The following NFKB1 variants were observed in gnomAD, a reference collection of about 807,000 sequenced individuals.
The protein encoded by NFKB1 is nuclear factor kappa B subunit 1, also known as nuclear factor NF-kappa-B p105 subunit.
Under a neutral mutation model 105.1 loss-of-function variants are expected in NFKB1, and 9 were observed. That is an observed-to-expected ratio of 0.09 (90% CI 0.05 to 0.15). The LOEUF is 0.15. Ranked by LOEUF, NFKB1 falls within the 10% of genes least tolerant of loss-of-function variation. The probability of loss-of-function intolerance (pLI) is 1.00; values close to 1 mark genes in which losing one functional copy is unlikely to be tolerated. For missense variants in NFKB1, 830 were observed against 1,203.7 expected, an observed-to-expected ratio of 0.69 and a Z score of 4.59; for synonymous variants, 440 against 442.2, an observed-to-expected ratio of 1.00 and a Z score of 0.06.
At chr4:102,594,677 TCA>T (rs994141948) in intron 12 of NFKB1, among the ~76,000 whole-genome samples, 8 of 152,140 alleles carry the variant, frequency 5.3e-5, no homozygotes, top group African/African-American at 1.9e-4. Flanking sequence ...TGGGGTGCTG[TCA>T]GAGTTGCCAA....
chr4:102,612,842 T>C (rs1474489209), intron 22 of NFKB1, among the ~76,000 whole-genome samples: 2 of 152,016 alleles, frequency 1.3e-5, no homozygotes, highest in East Asian at 1.9e-4. Context: ...CCTGTGAAAA[T>C]GCTACGTAGA....
chr4:102,577,753 C>G (rs1040810395), intron 7 of NFKB1: 1 of 906,978 alleles, frequency 1.1e-6, no homozygotes, highest in South Asian at 5.1e-5. Flanking sequence ...ACTGACTCCC[C>G]CTCCTCGCCT....
chr4:102,612,327 G>A, intron 21 of NFKB1, 107 bp from the exon 22 acceptor site: 1 of 1,186,288 alleles, frequency 8.4e-7, no homozygotes, highest in Non-Finnish European at 1.2e-6. Context: ...AGAGTAGCTT[G>A]GTTGGTTCCA....
At chr4:102,503,211 A>G (rs1175989385) in intron 1 of NFKB1, among the ~76,000 whole-genome samples, 1 of 152,176 alleles carries the variant, frequency 6.6e-6, no homozygotes, top group Non-Finnish European at 1.5e-5. Flanking sequence ...TTTCCTGTAG[A>G]ATTTTACATT....
chr4:102,515,113 T>TA (rs1560632635), intron 1 of NFKB1, among the ~76,000 whole-genome samples: 126 of 128,512 alleles, frequency 9.8e-4, no homozygotes, highest in African/African-American at 3.5e-3. Flanking sequence ...TATTATTTTT[T>TA]TTTTTTTTTT....
intron 18 of NFKB1, 115 bp from the exon 19 acceptor site, chr4:102,607,534 C>T (rs1727890815): frequency 8.1e-7 from 1 of 1,230,940 alleles, no homozygotes; most frequent in East Asian, 2.3e-5. Flanking sequence ...CAGAGCCAGC[C>T]CAAAGTAGCA....
intron 12 of NFKB1, 113 bp from the exon 13 acceptor site, chr4:102,594,779 A>G: frequency 2.9e-6 from 2 of 685,628 alleles, no homozygotes; most frequent in Non-Finnish European, 2.6e-6. Context: ...TGTGGGCACA[A>G]TACTGTCCTG....
intron 1 of NFKB1, among the ~76,000 whole-genome samples, chr4:102,502,632 A>G (rs79590633): frequency 0.012 from 1,778 of 152,278 alleles, 34 homozygotes; most frequent in African/African-American, 0.041. Context: ...AAGTTTTTCT[A>G]TGGTCCTTAA....
Position 102,566,849 on chromosome 4 carries a change from A to T in NFKB1, c.259-138A>T, listed in dbSNP as rs1013716303. 3.8e-6 allele frequency: 3 copies of T among 787,094 alleles called. No homozygotes were observed. The African/African-American group carries it at 5.3e-5, about 14-fold the overall frequency. The allele number at this position is 787,094 out of a possible 1,614,324, so 48.8% of individuals were successfully genotyped here. A position where few individuals can be genotyped will look rare whatever the true frequency, so the allele number is the denominator to read the frequency against. ...CATTTGTTCATCACATACTTTTAAA[A>T]ACAGGGCTGTAATCATGTATATACA... On this transcript the variant is annotated intron_variant, in intron 5 of 23. Coordinates refer to ENST00000226574, the MANE Select transcript of NFKB1 (RefSeq NM_003998.4).
intron 3 of NFKB1, among the ~76,000 whole-genome samples, chr4:102,530,226 C>T (rs1312761655): frequency 1.3e-5 from 2 of 152,116 alleles, no homozygotes; most frequent in Non-Finnish European, 2.9e-5. Context: ...CAGATTCACA[C>T]GAGGCAGTCT....
At chr4:102,603,213 C>T (rs548144323) in intron 16 of NFKB1, among the ~76,000 whole-genome samples, 1 of 152,146 alleles carries the variant, frequency 6.6e-6, no homozygotes, top group East Asian at 1.9e-4. Flanking sequence ...GCTGGGATTA[C>T]AGGCGTGCAC....
chr4:102,504,810 C>T (rs1319572125), intron 1 of NFKB1, among the ~76,000 whole-genome samples: 1 of 152,166 alleles, frequency 6.6e-6, no homozygotes, highest in Non-Finnish European at 1.5e-5. Context: ...TGAAGGTACT[C>T]AGCCTCAGGG....
intron 5 of NFKB1, among the ~76,000 whole-genome samples, chr4:102,562,977 A>G (rs1264224515): frequency 6.6e-6 from 1 of 152,230 alleles, no homozygotes; most frequent in East Asian, 1.9e-4. Context: ...TGTTAACTCT[A>G]CATTCTGCCA....
chr4:102,595,920 A>G (rs1043668020), intron 13 of NFKB1, among the ~76,000 whole-genome samples: 4 of 152,244 alleles, frequency 2.6e-5, no homozygotes, highest in Non-Finnish European at 4.4e-5. Context: ...TTAAGATTTT[A>G]GAAGTATACT....
chr4:102,609,336 G>A (rs913221952), intron 19 of NFKB1, among the ~76,000 whole-genome samples: 2 of 151,916 alleles, frequency 1.3e-5, no homozygotes, highest in Admixed American at 1.3e-4. Context: ...TTAAGTCCGA[G>A]TGTGGTGGCT....
chr4:102,547,579 A>T (rs555784616), intron 5 of NFKB1, among the ~76,000 whole-genome samples: 2 of 152,296 alleles, frequency 1.3e-5, no homozygotes, highest in South Asian at 4.1e-4. Flanking sequence ...AAAAAATAAT[A>T]CCTATGTCAT....
chr4:102,522,570 G>C (rs1410369038), intron 1 of NFKB1, among the ~76,000 whole-genome samples: 2 of 152,160 alleles, frequency 1.3e-5, no homozygotes, highest in Non-Finnish European at 2.9e-5. Flanking sequence ...AATAAAGTAG[G>C]TTTCGTTTGA....
At chr4:102,566,154 G>A (rs72931434) in intron 5 of NFKB1, among the ~76,000 whole-genome samples, 3,195 of 152,224 alleles carry the variant, frequency 0.021, 123 homozygotes, top group African/African-American at 0.069. Flanking sequence ...AGAAGAAAGA[G>A]GATATCTAAG....
intron 6 of NFKB1, among the ~76,000 whole-genome samples, chr4:102,568,066 T>C (rs936796562): frequency 1.3e-5 from 2 of 152,224 alleles, no homozygotes; most frequent in African/African-American, 4.8e-5. Flanking sequence ...ATCTGGCTTA[T>C]TCACTCAAAA....
Sources: gnomAD v4.1 joint callset for allele counts (sites outside exome capture counted in the v4.1 genomes callset) on GRCh38, gnomAD v4.1.1 for gene constraint, MANE v1.5 for transcripts, NCBI Gene and HGNC (gene_info 2026-07-23, HGNC 2026-07-21) for gene names.